Variants in KYAT3 observed in about 807,000 individuals in gnomAD.
KYAT3 encodes the protein kynurenine--oxoglutarate transaminase 3.
KYAT3 carries 50 observed loss-of-function variants against 59.0 expected under a neutral mutation model. The observed-to-expected ratio is 0.85, with a 90% CI of 0.68 to 1.07. The LOEUF (loss-of-function observed/expected upper bound fraction) is 1.07, where lower values mean the gene tolerates loss of function less well. Ranked by LOEUF, KYAT3 falls within the 50% of genes least tolerant of loss-of-function variation. KYAT3 has a pLI of 0.00. For synonymous variants in KYAT3, 148 were observed against 177.0 expected, an observed-to-expected ratio of 0.84 and a Z score of 1.30; for missense variants, 497 against 533.3, an observed-to-expected ratio of 0.93 and a Z score of 0.67.
At chr1:88,989,374 A>T (rs998259175) in intron 1 of KYAT3, among the ~76,000 whole-genome samples, 2 of 152,218 alleles carry the variant, frequency 1.3e-5, no homozygotes, top group Non-Finnish European at 2.9e-5. Flanking sequence ...ATTCAATCTT[A>T]AAAAAAGTTT....
At position 88,968,669 on chromosome 1, in the gene KYAT3, C is replaced by A. The variant is rs1386457433; in HGVS notation, c.303+1G>T. ...GGCCCATATGGTCTTGATATACTTA[C>A]AAAGCCTCGTGTATACTGATTCAGG... On this transcript the variant is annotated splice_donor_variant, in intron 4 of 13. Coordinates refer to ENST00000260508, the MANE Select transcript of KYAT3 (RefSeq NM_001008661.3). LOFTEE classifies it high-confidence loss of function. 4 of 1,556,488 alleles carry A rather than the reference C, an allele frequency of 2.6e-6. No individual in the cohort carries two copies. The highest frequency in any genetic ancestry group is 2.8e-5 in the African/African-American group (2 of 70,932).
intron 8 of KYAT3, among the ~76,000 whole-genome samples, chr1:88,955,610 T>C (rs1486069337): frequency 2.6e-5 from 4 of 152,194 alleles, no homozygotes; most frequent in African/African-American, 9.7e-5. Context: ...GTGGCAGGGC[T>C]TAGGTTGTGA....
At chr1:88,925,450 G>C in the KYAT3 span, among the ~76,000 whole-genome samples, 3 of 152,190 alleles carry the variant, frequency 2.0e-5, no homozygotes, top group African/African-American at 7.2e-5. Flanking sequence ...CTAGCAAGCT[G>C]TATCTCGAAA....
intron 11 of KYAT3, among the ~76,000 whole-genome samples, chr1:88,944,803 T>A (rs1675373917): frequency 6.6e-6 from 1 of 152,156 alleles, no homozygotes; most frequent in African/African-American, 2.4e-5. Context: ...GACACTGTAC[T>A]ACTCATTTAT....
At chr1:88,987,715 G>A (rs1443189692) in intron 2 of KYAT3, among the ~76,000 whole-genome samples, 1 of 151,814 alleles carries the variant, frequency 6.6e-6, no homozygotes, top group Non-Finnish European at 1.5e-5. Flanking sequence ...CTACATACTT[G>A]GCATATTATC....
chr1:88,951,663 TTAAA>T (rs1378200948), intron 10 of KYAT3, among the ~76,000 whole-genome samples: 2 of 151,378 alleles, frequency 1.3e-5, no homozygotes, highest in African/African-American at 2.4e-5. Flanking sequence ...TAAATAATAT[TTAAA>T]TAGTTTTTCT....
chr1:88,953,158 A>C lies in KYAT3; in HGVS notation c.865-6T>G, dbSNP rs1675752246. On this transcript the variant is annotated splice_polypyrimidine_tract_variant and splice_region_variant and intron_variant, in intron 9 of 13. Coordinates refer to ENST00000260508, the MANE Select transcript of KYAT3 (RefSeq NM_001008661.3). ...GGACCAATGGACCAGCCAAGCTGGG[A>C]AAGGAAAAGATAAAAGATTTCAGAA... 1.3e-6 allele frequency: 2 copies of C among 1,592,582 alleles called. No homozygotes were observed. Among genetic ancestry groups the C allele is most frequent in the East Asian group, 4.5e-5 (2 of 44,742 alleles).
At chr1:88,927,443 T>A in the KYAT3 span, among the ~76,000 whole-genome samples, 1 of 152,100 alleles carries the variant, frequency 6.6e-6, no homozygotes, top group Non-Finnish European at 1.5e-5. Flanking sequence ...TGAAGTGCCA[T>A]ATGTGCAAAC....
At position 88,955,086 on chromosome 1, in the gene KYAT3, C is replaced by T. The variant is rs150532589; in HGVS notation, c.864+63G>A. On this transcript the variant is annotated intron_variant, in intron 9 of 13. Coordinates refer to ENST00000260508, the MANE Select transcript of KYAT3 (RefSeq NM_001008661.3). ...TGGCCAGCATTTAAAACACAAACCA[C>T]TCAACAAAAAATAAATAATATACAG... The T allele has an allele frequency of 3.0e-4, 345 of 1,131,656 alleles. 4 individuals are homozygous for T. In the African/African-American group the frequency reaches 4.0e-3, roughly 13 times the overall value. The allele number at this position is 1,131,656 out of a possible 1,614,324, so 70.1% of individuals were successfully genotyped here.
At chr1:88,986,549 C>T (rs1677469658) in intron 2 of KYAT3, among the ~76,000 whole-genome samples, 1 of 151,678 alleles carries the variant, frequency 6.6e-6, no homozygotes, top group Non-Finnish European at 1.5e-5. Flanking sequence ...GCCTCAGCCT[C>T]CCAAAGTGCT....
chr1:88,987,712 C>T (rs1677544976), intron 2 of KYAT3, among the ~76,000 whole-genome samples: 1 of 152,146 alleles, frequency 6.6e-6, no homozygotes, highest in African/African-American at 2.4e-5. Flanking sequence ...TCCCTACATA[C>T]TTGGCATATT....
chr1:88,930,155 T>C, the KYAT3 span, among the ~76,000 whole-genome samples: 1 of 152,238 alleles, frequency 6.6e-6, no homozygotes, highest in Non-Finnish European at 1.5e-5. Flanking sequence ...GGCAAAGGGT[T>C]GGCCTCATTG....
chr1:88,992,902 T>G (rs1217194959), upstream of KYAT3: 3 of 125,392 alleles, frequency 2.4e-5, no homozygotes, highest in East Asian at 2.2e-4. Context: ...GCGATGACGG[T>G]GGGGTCCGCC....
At chr1:88,947,719 A>G (rs1383273847) in intron 11 of KYAT3, among the ~76,000 whole-genome samples, 2 of 152,232 alleles carry the variant, frequency 1.3e-5, no homozygotes, top group African/African-American at 4.8e-5. Context: ...TAGGAAAATC[A>G]TAACACCTTA....
rs893246274 is a variant in KYAT3, at chr1:88,961,651, G to A, written c.541-145C>T. The A allele has an allele frequency of 1.7e-5, 12 of 686,320 alleles. No homozygotes were observed. The African/African-American group carries it at 2.0e-4, about 11-fold the overall frequency. The allele number at this position is 686,320 out of a possible 1,614,324, so 42.5% of individuals were successfully genotyped here. ...AATTACCAACAAATGCTTTCCTGCA[G>A]TAGGAACAGAAAAAAAACTAGAAAA... On this transcript the variant is annotated intron_variant, in intron 6 of 13. Coordinates refer to ENST00000260508, the MANE Select transcript of KYAT3 (RefSeq NM_001008661.3).
At position 88,988,201 on chromosome 1, in the gene KYAT3, G is replaced by A. The variant is rs1359711890; in HGVS notation, c.99+51C>T. ...GCATCTGAAAAATTACATATTTTTT[G>A]GACAGTGCAGAATATGTACAATAAT... On this transcript the variant is annotated intron_variant, in intron 2 of 13. Transcript: ENST00000260508. 4.4e-6 allele frequency: 5 copies of A among 1,134,806 alleles called. No individual in the cohort carries two copies. In the Admixed American group the frequency reaches 1.1e-4, roughly 25 times the overall value. 70.3% of individuals were successfully genotyped at this position (1,134,806 alleles called of 1,614,324 possible).
At position 88,964,809 on chromosome 1, in the gene KYAT3, G is replaced by C; in HGVS notation, c.453+20C>G. 1 of 1,549,270 alleles carries C rather than the reference G, an allele frequency of 6.5e-7. No individual in the cohort carries two copies. Among genetic ancestry groups the C allele is most frequent in the Non-Finnish European group, 8.8e-7 (1 of 1,136,766 alleles). On this transcript the variant is annotated intron_variant, in intron 5 of 13. Coordinates refer to ENST00000260508, the MANE Select transcript of KYAT3 (RefSeq NM_001008661.3). ...GATAATTGATTAATATGGGTATTAC[G>C]ATAATGTTAATATACTTACTTCATC... is the stretch of plus-strand genomic sequence containing the variant.
chr1:88,954,327 A>T (rs1313539963), intron 9 of KYAT3, among the ~76,000 whole-genome samples: 1 of 152,210 alleles, frequency 6.6e-6, no homozygotes, highest in Non-Finnish European at 1.5e-5. Context: ...GACTTCCTGT[A>T]CAGGCTTGAA....
intron 11 of KYAT3, among the ~76,000 whole-genome samples, chr1:88,948,889 A>G (rs1675554403): frequency 6.6e-6 from 1 of 152,248 alleles, no homozygotes; most frequent in Non-Finnish European, 1.5e-5. Flanking sequence ...CACTGACTCC[A>G]TAACCATTTA....
Sources: gnomAD v4.1 joint callset for allele counts (sites outside exome capture counted in the v4.1 genomes callset) on GRCh38, gnomAD v4.1.1 for gene constraint, MANE v1.5 for transcripts, NCBI Gene and HGNC (gene_info 2026-07-23, HGNC 2026-07-21) for gene names.